Variants in CDYL2 observed in about 807,000 individuals in gnomAD.
CDYL2 encodes chromodomain Y like 2.
A neutral mutation model predicts 49.4 loss-of-function variants in CDYL2; 23 were observed. The ratio of observed to expected loss-of-function variants is 0.47; its 90% CI spans 0.34 to 0.66. The LOEUF is 0.66. CDYL2 is among the 30% of genes least tolerant of loss of function. CDYL2 has a pLI of 0.01. For synonymous variants in CDYL2, 360 were observed against 268.8 expected, an observed-to-expected ratio of 1.34 and a Z score of -3.32; for missense variants, 678 against 656.4, an observed-to-expected ratio of 1.03 and a Z score of -0.36.
At chr16:80,661,845 G>C (rs900778102) in intron 2 of CDYL2, among the ~76,000 whole-genome samples, 6 of 152,164 alleles carry the variant, frequency 3.9e-5, no homozygotes, top group African/African-American at 1.2e-4. Flanking sequence ...GGCCTCTTGA[G>C]GGATAAGCCT....
chr16:80,687,982 G>C (rs1014676108), intron 1 of CDYL2, among the ~76,000 whole-genome samples: 1 of 152,194 alleles, frequency 6.6e-6, no homozygotes, highest in African/African-American at 2.4e-5. Context: ...TCCTCCATGG[G>C]AAGAAGAGAG....
chr16:80,646,391 G>A lies in CDYL2; in HGVS notation c.617-13155C>T, dbSNP rs78253952. On this transcript the variant is annotated intron_variant, in intron 2 of 6. Transcript: ENST00000570137. Reference sequence around the variant, plus strand: ...GGAAAAGAAGTGCACAGAATTCCCAGAAAACAAATAACAAAATGGCAGGAG... The same window carrying A: ...GGAAAAGAAGTGCACAGAATTCCCAAAAAACAAATAACAAAATGGCAGGAG... Among the ~76,000 whole-genome samples, 969 of 152,208 alleles carry A rather than the reference G, an allele frequency of 6.4e-3. 21 individuals carry two copies. The highest frequency in any genetic ancestry group is 0.038 in the East Asian group (194 of 5,164).
At chr16:80,631,586 G>A (rs1466899994) in intron 3 of CDYL2, among the ~76,000 whole-genome samples, 1 of 152,120 alleles carries the variant, frequency 6.6e-6, no homozygotes, top group Non-Finnish European at 1.5e-5. Flanking sequence ...GTTTGTCATA[G>A]GGCACTATCA....
At chr16:80,699,578 G>A (rs1904290536) in intron 1 of CDYL2, among the ~76,000 whole-genome samples, 1 of 152,168 alleles carries the variant, frequency 6.6e-6, no homozygotes, top group African/African-American at 2.4e-5. Flanking sequence ...TAAACAGAAG[G>A]ATTAAGTTTT....
chr16:80,789,497 G>A (rs753067648), intron 1 of CDYL2, among the ~76,000 whole-genome samples: 13 of 152,170 alleles, frequency 8.5e-5, no homozygotes, highest in South Asian at 4.2e-4. Context: ...CTACTCAGGA[G>A]GCTGAGGCAG....
chr16:80,727,244 C>T (rs191231812), intron 1 of CDYL2, among the ~76,000 whole-genome samples: 28 of 152,340 alleles, frequency 1.8e-4, no homozygotes, highest in Admixed American at 1.5e-3. Flanking sequence ...GTGCACGCAC[C>T]GTGCCCGAGC....
At chr16:80,709,686 A>G (rs1282497370) in intron 1 of CDYL2, among the ~76,000 whole-genome samples, 1 of 152,126 alleles carries the variant, frequency 6.6e-6, no homozygotes, top group African/African-American at 2.4e-5. Flanking sequence ...CCTATTTCAC[A>G]ACCCCACAAT....
At chr16:80,704,083 G>C (rs1383148773) in intron 1 of CDYL2, among the ~76,000 whole-genome samples, 1 of 152,170 alleles carries the variant, frequency 6.6e-6, no homozygotes, top group Non-Finnish European at 1.5e-5. Flanking sequence ...CAAAATGTCT[G>C]TTTGTCCTAG....
intron 2 of CDYL2, among the ~76,000 whole-genome samples, chr16:80,655,648 C>T (rs1487633367): frequency 6.6e-6 from 1 of 152,152 alleles, no homozygotes; most frequent in Non-Finnish European, 1.5e-5. Context: ...CCCTCCTACC[C>T]TCTGCCAGGA....
chr16:80,759,150 A>ATATATATATATGGTTTTTATAT (rs1211358459), intron 1 of CDYL2, among the ~76,000 whole-genome samples: 1 of 80,838 alleles, frequency 1.2e-5, no homozygotes, highest in Non-Finnish European at 2.4e-5. Flanking sequence ...GGTTTATATA[A>ATATATATATATGGTTTTTATAT]ATATATGGTT....
At chr16:80,624,403 C>CAA (rs1907215350) in intron 3 of CDYL2, among the ~76,000 whole-genome samples, 1 of 152,216 alleles carries the variant, frequency 6.6e-6, no homozygotes, top group Non-Finnish European at 1.5e-5. Context: ...ACCACACCCA[C>CAA]ATGGGGAAGA....
chr16:80,787,556 T>C (rs1332714956), intron 1 of CDYL2, among the ~76,000 whole-genome samples: 1 of 152,166 alleles, frequency 6.6e-6, no homozygotes, highest in Non-Finnish European at 1.5e-5. Flanking sequence ...GAAAATTCAA[T>C]GTGAAACACC....
chr16:80,667,338 G>A (rs762965620), intron 2 of CDYL2, among the ~76,000 whole-genome samples: 2 of 152,168 alleles, frequency 1.3e-5, no homozygotes, highest in Non-Finnish European at 2.9e-5. Context: ...TATTCTTTGT[G>A]ATGTGTCAAC....
At chr16:80,803,914 G>A (rs1025133963) in intron 1 of CDYL2, among the ~76,000 whole-genome samples, 2 of 145,854 alleles carry the variant, frequency 1.4e-5, no homozygotes, top group African/African-American at 4.9e-5. Flanking sequence ...GAGTGTGTGT[G>A]CGAGAGAAAG....
intron 1 of CDYL2, among the ~76,000 whole-genome samples, chr16:80,740,715 G>T (rs1905703467): frequency 6.6e-6 from 1 of 151,812 alleles, no homozygotes; most frequent in Non-Finnish European, 1.5e-5. Flanking sequence ...GTAATAACCA[G>T]TGAGAAAATA....
rs374091235 is a variant in CDYL2, at chr16:80,640,168, C to A, written c.617-6932G>T. Among the ~76,000 whole-genome samples, 46 of 152,286 alleles carry A rather than the reference C, an allele frequency of 3.0e-4. 2 individuals are homozygous for A. Among genetic ancestry groups the A allele is most frequent in the Middle Eastern group, 3.4e-3 (1 of 294 alleles). ...AAGGGAGTGCTGGTATCACCGCTCT[C>A]CTAACACCAGACTGCACACCTCAAG... On this transcript the variant is annotated intron_variant, in intron 2 of 6. Transcript: ENST00000570137.
At position 80,642,530 on chromosome 16, in the gene CDYL2, T is replaced by C. The variant is rs115754901; in HGVS notation, c.617-9294A>G. ...AAGCTTAAAATGATGAGATATAAGA[T>C]ATTATTTGCAAACCTCATTGAATTA... is the stretch of plus-strand genomic sequence containing the variant. On this transcript the variant is annotated intron_variant, in intron 2 of 6. Transcript: ENST00000570137. Among the ~76,000 whole-genome samples the C allele has an allele frequency of 6.6e-3, 1,004 of 152,260 alleles. 16 individuals are homozygous for C. Among genetic ancestry groups the C allele is most frequent in the African/African-American group, 0.023 (973 of 41,536 alleles).
intron 2 of CDYL2, among the ~76,000 whole-genome samples, chr16:80,668,465 A>G (rs1249045742): frequency 1.3e-5 from 2 of 149,010 alleles, no homozygotes; most frequent in Non-Finnish European, 2.9e-5. Flanking sequence ...ATAATCACAT[A>G]TATAATATAT....
intron 1 of CDYL2, among the ~76,000 whole-genome samples, chr16:80,747,012 A>C (rs1054276768): frequency 1.3e-5 from 2 of 152,108 alleles, no homozygotes; most frequent in South Asian, 2.1e-4. Context: ...GTTTGCCACA[A>C]TCCCCAGTAC....
Sources: gnomAD v4.1 joint callset for allele counts (sites outside exome capture counted in the v4.1 genomes callset) on GRCh38, gnomAD v4.1.1 for gene constraint, MANE v1.5 for transcripts, NCBI Gene and HGNC (gene_info 2026-07-23, HGNC 2026-07-21) for gene names.